The following PTPRM variants were observed in gnomAD, a reference collection of about 807,000 sequenced individuals.
The protein encoded by PTPRM is protein tyrosine phosphatase receptor type M, also known as receptor-type tyrosine-protein phosphatase mu.
Under a neutral mutation model 186.7 loss-of-function variants are expected in PTPRM, and 47 were observed. The observed-to-expected ratio is 0.25, with a 90% CI of 0.20 to 0.32. The LOEUF (loss-of-function observed/expected upper bound fraction) is 0.32, where lower values mean the gene tolerates loss of function less well. PTPRM is among the 10% of genes least tolerant of loss of function. PTPRM has a pLI of 1.00. For synonymous variants in PTPRM, 668 were observed against 674.9 expected, an observed-to-expected ratio of 0.99 and a Z score of 0.16; for missense variants, 1,494 against 1,865.0, an observed-to-expected ratio of 0.80 and a Z score of 3.66.
At chr18:7,778,654 AT>A (rs1441015694) in intron 2 of PTPRM, among the ~76,000 whole-genome samples, 1 of 151,638 alleles carries the variant, frequency 6.6e-6, no homozygotes, top group Non-Finnish European at 1.5e-5. Context: ...TAGTTTTTGT[AT>A]TTTTAGTAGA....
chr18:8,148,817 T>A (rs551705379), intron 14 of PTPRM, among the ~76,000 whole-genome samples: 1 of 152,244 alleles, frequency 6.6e-6, no homozygotes, highest in Non-Finnish European at 1.5e-5. Flanking sequence ...TACACATTGC[T>A]TTAAATGTGT....
intron 2 of PTPRM, among the ~76,000 whole-genome samples, chr18:7,781,514 G>T (rs565370928): frequency 3.3e-5 from 5 of 150,916 alleles, no homozygotes; most frequent in Non-Finnish European, 5.9e-5. Context: ...GGTAAATTAC[G>T]TGTTGCTGAG....
intron 9 of PTPRM, among the ~76,000 whole-genome samples, chr18:8,079,210 C>T (rs1328030558): frequency 6.6e-6 from 1 of 152,164 alleles, no homozygotes; most frequent in Non-Finnish European, 1.5e-5. Context: ...CTCAGCCTTC[C>T]AGCACTAGCC....
intron 4 of PTPRM, among the ~76,000 whole-genome samples, chr18:7,926,012 C>T (rs1225185125): frequency 6.6e-6 from 1 of 152,206 alleles, no homozygotes; most frequent in African/African-American, 2.4e-5. Context: ...GCAGTCTCAG[C>T]ATCATTTCAC....
At chr18:7,728,369 G>A (rs2040589968) in intron 1 of PTPRM, among the ~76,000 whole-genome samples, 1 of 152,168 alleles carries the variant, frequency 6.6e-6, no homozygotes, top group African/African-American at 2.4e-5. Flanking sequence ...AAAGCTCTCA[G>A]CAAAGAAAAG....
At chr18:7,673,453 C>T (rs1020448499) in intron 1 of PTPRM, among the ~76,000 whole-genome samples, 3 of 152,020 alleles carry the variant, frequency 2.0e-5, no homozygotes, top group East Asian at 1.9e-4. Flanking sequence ...GATTAATCTG[C>T]GTGAAGAAGG....
chr18:7,933,646 A>G (rs901533852), intron 5 of PTPRM, among the ~76,000 whole-genome samples: 9 of 152,212 alleles, frequency 5.9e-5, no homozygotes, highest in African/African-American at 1.7e-4. Context: ...CTACTAATGC[A>G]TGGGGCTTAC....
chr18:8,223,828 G>A (rs2094182801), intron 14 of PTPRM, among the ~76,000 whole-genome samples: 1 of 152,168 alleles, frequency 6.6e-6, no homozygotes, highest in South Asian at 2.1e-4. Context: ...GAGAAATTAA[G>A]CAAAACCATA....
intron 20 of PTPRM, among the ~76,000 whole-genome samples, chr18:8,310,743 A>G (rs2095261765): frequency 6.6e-6 from 1 of 152,094 alleles, no homozygotes; most frequent in Non-Finnish European, 1.5e-5. Flanking sequence ...TGTGTTTTCC[A>G]TTGCCTTAAG....
chr18:7,890,353 T>A (rs1270152344), intron 3 of PTPRM, among the ~76,000 whole-genome samples: 1 of 152,168 alleles, frequency 6.6e-6, no homozygotes, highest in African/African-American at 2.4e-5. Context: ...CATCCAGTAA[T>A]CCATTCTGCA....
chr18:7,671,977 G>A (rs1030155513), intron 1 of PTPRM, among the ~76,000 whole-genome samples: 7 of 152,180 alleles, frequency 4.6e-5, no homozygotes. Flanking sequence ...TCGTAGGGAA[G>A]AATCTCCCTC....
chr18:7,941,890 G>A (rs1395980307), intron 5 of PTPRM, among the ~76,000 whole-genome samples: 1 of 152,140 alleles, frequency 6.6e-6, no homozygotes, highest in Non-Finnish European at 1.5e-5. Flanking sequence ...AATATGGTTC[G>A]ACACTGGAGG....
intron 23 of PTPRM, among the ~76,000 whole-genome samples, chr18:8,348,983 T>C (rs2095520150): frequency 6.6e-6 from 1 of 152,196 alleles, no homozygotes; most frequent in Admixed American, 6.5e-5. Context: ...ACATGGATTC[T>C]TGGATATTTT....
Position 7,832,270 on chromosome 18 carries a change from A to G in PTPRM, c.197-55836A>G, listed in dbSNP as rs188642369. Among the ~76,000 whole-genome samples the G allele has an allele frequency of 3.2e-3, 489 of 152,258 alleles. 6 individuals are homozygous for G. Among genetic ancestry groups the G allele is most frequent in the African/African-American group, 0.011 (468 of 41,552 alleles). On this transcript the variant is annotated intron_variant, in intron 2 of 32. Coordinates refer to ENST00000580170, the MANE Select transcript of PTPRM (RefSeq NM_001105244.2). ...TGTATATGAAGGTTCCCTTTTCTCC[A>G]TATCCTTGCCAGCATTTGTTATTGC...
chr18:7,853,751 T>C (rs1443835281), intron 2 of PTPRM, among the ~76,000 whole-genome samples: 1 of 152,188 alleles, frequency 6.6e-6, no homozygotes, highest in African/African-American at 2.4e-5. Flanking sequence ...TGAAATAATA[T>C]TCTATACCAA....
intron 7 of PTPRM, among the ~76,000 whole-genome samples, chr18:8,066,393 G>A (rs75727509): frequency 0.022 from 3,390 of 152,184 alleles, 53 homozygotes; most frequent in African/African-American, 0.047. Context: ...TTTGGACCCT[G>A]GTAAGAGAAA....
chr18:7,875,270 T>C (rs544233936), intron 2 of PTPRM, among the ~76,000 whole-genome samples: 1 of 152,006 alleles, frequency 6.6e-6, no homozygotes, highest in East Asian at 1.9e-4. Flanking sequence ...TTCACTGTAT[T>C]ATGGTGTATC....
chr18:7,813,380 C>T (rs1002857812), intron 2 of PTPRM, among the ~76,000 whole-genome samples: 4 of 152,208 alleles, frequency 2.6e-5, no homozygotes, highest in African/African-American at 9.7e-5. Context: ...GACTATTTCT[C>T]AAAGACAGAG....
chr18:8,356,495 T>C (rs1006421438), intron 23 of PTPRM, among the ~76,000 whole-genome samples: 2 of 152,114 alleles, frequency 1.3e-5, no homozygotes, highest in African/African-American at 4.8e-5. Context: ...TTAAATAAAT[T>C]GAACCAAACA....
Sources: allele counts gnomAD v4.1 joint callset (sites outside exome capture counted in the v4.1 genomes callset), GRCh38; gene constraint gnomAD v4.1.1; transcripts MANE v1.5; gene names NCBI Gene and HGNC (gene_info 2026-07-23, HGNC 2026-07-21).